Variants in BORCS5 observed in about 807,000 individuals in gnomAD.
BORCS5 encodes the protein BLOC-1 related complex subunit 5.
A neutral mutation model predicts 22.1 loss-of-function variants in BORCS5; 17 were observed. The ratio of observed to expected loss-of-function variants is 0.77; its 90% CI spans 0.53 to 1.15. The LOEUF is 1.15. BORCS5 is among the 50% of genes most tolerant of loss of function. The pLI, the probability that BORCS5 is intolerant of heterozygous loss-of-function variation, is 0.00. For missense variants in BORCS5, 247 were observed against 253.2 expected (o/e 0.98, Z 0.17); for synonymous variants, 117 against 99.8 (o/e 1.17, Z -1.03).
chr12:12,421,961 G>GC (rs1169061640), intron 2 of BORCS5, among the ~76,000 whole-genome samples: 4 of 152,028 alleles, frequency 2.6e-5, no homozygotes, highest in African/African-American at 9.7e-5. Context: ...TGTTAGTCTT[G>GC]CTAGTGGTTT....
chr12:12,419,791 A>G (rs953496651), intron 2 of BORCS5, among the ~76,000 whole-genome samples: 1 of 152,162 alleles, frequency 6.6e-6, no homozygotes, highest in Non-Finnish European at 1.5e-5. Flanking sequence ...TTCTCTGATG[A>G]CCAGTGATGA....
rs568866456 is a variant in BORCS5, at chr12:12,413,609, C to CG, written c.203-22016dup. 3.6e-3 allele frequency among the ~76,000 whole-genome samples: 503 copies of CG among 139,340 alleles called. 4 individuals carry two copies. The highest frequency in any genetic ancestry group is 3.6e-3 in the Non-Finnish European group (229 of 64,218). 91.4% of individuals were successfully genotyped at this position (139,340 alleles called of 152,430 possible). A position where few individuals can be genotyped will look rare whatever the true frequency, so the allele number is the denominator to read the frequency against. On this transcript the variant is annotated intron_variant, in intron 2 of 3. Transcript: ENST00000314565. ...TGAGCCGCTGGGCACACCTCCCAGA[C>CG]GGGTCGTGGCCGGGCAGAGGGGCTC...
intron 2 of BORCS5, among the ~76,000 whole-genome samples, chr12:12,363,610 G>A (rs1177027140): frequency 6.6e-6 from 1 of 152,066 alleles, no homozygotes; most frequent in Admixed American, 6.6e-5. Context: ...GGTGGCGGGT[G>A]CCTGTAGTCC....
At chr12:12,439,723 TC>T (rs1441291942) in intron 3 of BORCS5, among the ~76,000 whole-genome samples, 2 of 152,228 alleles carry the variant, frequency 1.3e-5, no homozygotes, top group Non-Finnish European at 2.9e-5. Context: ...AGACCAGCAC[TC>T]ACAGTACTGA....
rs1943271039 is a variant in BORCS5 at position 12,470,258 on chromosome 12, T to C, written c.*4482T>C. Among the ~76,000 whole-genome samples, 1 of 152,076 alleles carries C rather than the reference T, an allele frequency of 6.6e-6. No individual in the cohort carries two copies. Among genetic ancestry groups the C allele is most frequent in the Admixed American group, 6.6e-5 (1 of 15,260 alleles). On this transcript the variant is annotated 3_prime_UTR_variant, in exon 4 of 4. Transcript: ENST00000314565. ...GCTAATTTTTTATTTTTAGTAGAGA[T>C]GGGGTTTCACCATGTTGGCCAGGCA...
intron 2 of BORCS5, among the ~76,000 whole-genome samples, chr12:12,412,924 T>TTTTTTTTTTTTTC (rs1227112919): frequency 8.2e-6 from 1 of 122,188 alleles, no homozygotes; most frequent in African/African-American, 2.9e-5. Flanking sequence ...TTTTTTTTTT[T>TTTTTTTTTTTTTC]TATTGATAAT....
chr12:12,453,520 A>G (rs1369155622), intron 3 of BORCS5, among the ~76,000 whole-genome samples: 1 of 152,170 alleles, frequency 6.6e-6, no homozygotes, highest in Non-Finnish European at 1.5e-5. Context: ...AGGTTTCTTC[A>G]TCTTCGTAAA....
intron 2 of BORCS5, among the ~76,000 whole-genome samples, chr12:12,423,301 T>C (rs1320521082): frequency 1.3e-5 from 2 of 152,100 alleles, no homozygotes. Flanking sequence ...ACATGGGCTT[T>C]TATAATTTGC....
chr12:12,395,830 G>A (rs1027397565), intron 2 of BORCS5, among the ~76,000 whole-genome samples: 16 of 151,998 alleles, frequency 1.1e-4, no homozygotes, highest in African/African-American at 3.9e-4. Flanking sequence ...GGCTGGGGTG[G>A]GGATAGTGGA....
intron 3 of BORCS5, among the ~76,000 whole-genome samples, chr12:12,446,265 A>G (rs1340644499): frequency 6.6e-6 from 1 of 152,208 alleles, no homozygotes; most frequent in Non-Finnish European, 1.5e-5. Flanking sequence ...AGAATAAAAA[A>G]AAAAAGTAAG....
At chr12:12,387,688 G>A (rs1039463458) in intron 2 of BORCS5, among the ~76,000 whole-genome samples, 2 of 151,344 alleles carry the variant, frequency 1.3e-5, no homozygotes, top group Non-Finnish European at 3.0e-5. Flanking sequence ...GCAGCCACAT[G>A]CACTTGAGTC....
chr12:12,387,918 A>G (rs1489122768), intron 2 of BORCS5, among the ~76,000 whole-genome samples: 1 of 151,446 alleles, frequency 6.6e-6, no homozygotes, highest in Non-Finnish European at 1.5e-5. Context: ...TCAAGTCATT[A>G]AAGAATGTTT....
intron 3 of BORCS5, among the ~76,000 whole-genome samples, chr12:12,455,594 C>T (rs151182128): frequency 3.6e-4 from 55 of 152,202 alleles, no homozygotes; most frequent in African/African-American, 1.3e-3. Context: ...ACCTGGCCTA[C>T]ATGGTGAAAC....
At chr12:12,391,866 T>TAAAAA (rs751674760) in intron 2 of BORCS5, among the ~76,000 whole-genome samples, 1 of 64,340 alleles carries the variant, frequency 1.6e-5, no homozygotes, top group Non-Finnish European at 2.7e-5. Context: ...ACCCCGTCAC[T>TAAAAA]AAAAAAAAAA....
At chr12:12,459,085 AG>A (rs1358799547) in intron 3 of BORCS5, among the ~76,000 whole-genome samples, 12 of 151,460 alleles carry the variant, frequency 7.9e-5, no homozygotes, top group African/African-American at 1.9e-4. Flanking sequence ...TAGTAGAGAC[AG>A]GGTTTCTCCA....
intron 2 of BORCS5, among the ~76,000 whole-genome samples, chr12:12,379,293 G>A (rs1439278445): frequency 6.7e-6 from 1 of 150,246 alleles, no homozygotes; most frequent in Non-Finnish European, 1.5e-5. Flanking sequence ...GCTAATTTTT[G>A]TATCTTTAGT....
At chr12:12,422,349 C>A (rs931054840) in intron 2 of BORCS5, among the ~76,000 whole-genome samples, 27 of 151,854 alleles carry the variant, frequency 1.8e-4, no homozygotes, top group African/African-American at 5.8e-4. Flanking sequence ...TGCGGTGGCT[C>A]ACGCATGTAA....
intron 3 of BORCS5, among the ~76,000 whole-genome samples, chr12:12,456,734 G>A (rs766231327): frequency 6.6e-6 from 1 of 151,956 alleles, no homozygotes; most frequent in Non-Finnish European, 1.5e-5. Flanking sequence ...AGGACTTGTA[G>A]GTAAATAATG....
intron 2 of BORCS5, among the ~76,000 whole-genome samples, chr12:12,400,681 C>A (rs1016694659): frequency 6.6e-6 from 1 of 151,962 alleles, no homozygotes; most frequent in East Asian, 1.9e-4. Flanking sequence ...TCTTTCCCTG[C>A]AGGAAGAAAA....
Sources: allele counts gnomAD v4.1 joint callset (sites outside exome capture counted in the v4.1 genomes callset), GRCh38; gene constraint gnomAD v4.1.1; transcripts MANE v1.5; gene names NCBI Gene and HGNC (gene_info 2026-07-23, HGNC 2026-07-21).